TTC21B: variants seen among roughly 807,000 people sequenced by gnomAD.
The protein encoded by TTC21B is tetratricopeptide repeat domain 21B, also known as tetratricopeptide repeat protein 21B.
In TTC21B, 127 loss-of-function variants were observed where a neutral mutation model predicts 175.1. The ratio of observed to expected loss-of-function variants is 0.73; its 90% confidence interval spans 0.63 to 0.84. TTC21B has a LOEUF of 0.84. TTC21B is among the 40% of genes least tolerant of loss of function. The pLI, the probability that TTC21B is intolerant of heterozygous loss-of-function variation, is 0.00. For missense variants in TTC21B, 1,561 were observed against 1,558.3 expected, an observed-to-expected ratio of 1.00 and a Z score of -0.03; for synonymous variants, 524 against 524.5, an observed-to-expected ratio of 1.00 and a Z score of 0.01.
intron 6 of TTC21B, among the ~76,000 whole-genome samples, chr2:165,938,383 T>C (rs1303798879): frequency 1.3e-5 from 2 of 152,030 alleles, no homozygotes; most frequent in South Asian, 2.1e-4. Flanking sequence ...ATAATCCCTA[T>C]GAATCAAGCA....
At chr2:165,926,759 G>C (rs1040909155) in intron 11 of TTC21B, among the ~76,000 whole-genome samples, 1 of 151,600 alleles carries the variant, frequency 6.6e-6, no homozygotes, top group Non-Finnish European at 1.5e-5. Flanking sequence ...ATAAAGCAGG[G>C]AGAAAAATGT....
At chr2:165,936,539 T>A (rs1217816172) in intron 6 of TTC21B, among the ~76,000 whole-genome samples, 1 of 152,002 alleles carries the variant, frequency 6.6e-6, no homozygotes, top group Non-Finnish European at 1.5e-5. Flanking sequence ...CAGATATAGA[T>A]ATATCTGATA....
intron 8 of TTC21B, among the ~76,000 whole-genome samples, chr2:165,931,162 T>C (rs1686893224): frequency 6.6e-6 from 1 of 152,248 alleles, no homozygotes; most frequent in African/African-American, 2.4e-5. Context: ...AGTATATTCA[T>C]GTCATTTAAC....
rs768656308 is a variant in TTC21B at position 165,874,716 on chromosome 2, T to C, written c.*39A>G. The C allele has an allele frequency of 5.1e-6, 8 of 1,567,362 alleles. No individual in the cohort carries two copies. ...GGAAGAACTGAAAGTTAGATTTCTT[T>C]CATTTCCTGTTAAACCAACACCTAA... On this transcript the variant is annotated 3_prime_UTR_variant, in exon 29 of 29. Coordinates refer to ENST00000243344, the MANE Select transcript of TTC21B (RefSeq NM_024753.5).
At chr2:165,912,814 T>G (rs978016355) in intron 16 of TTC21B, among the ~76,000 whole-genome samples, 190 bp from the exon 17 acceptor site, 1 of 152,180 alleles carries the variant, frequency 6.6e-6, no homozygotes, top group Non-Finnish European at 1.5e-5. Context: ...TAGGTATAAT[T>G]TATTAGGATA....
intron 20 of TTC21B, among the ~76,000 whole-genome samples, chr2:165,900,899 C>A (rs868120355): frequency 6.9e-6 from 1 of 145,634 alleles, no homozygotes; most frequent in African/African-American, 2.6e-5. Flanking sequence ...GTTCTTTTTT[C>A]TTTTCTTTTT....
chr2:165,926,911 T>C (rs1178010563), intron 11 of TTC21B, among the ~76,000 whole-genome samples: 2 of 149,244 alleles, frequency 1.3e-5, no homozygotes, highest in East Asian at 4.0e-4. Flanking sequence ...AGACAGCCTA[T>C]TGTGGGACAC....
chr2:165,951,994 C>T (rs113982751), intron 1 of TTC21B, among the ~76,000 whole-genome samples: 1,913 of 151,960 alleles, frequency 0.013, 43 homozygotes, highest in African/African-American at 0.044. Flanking sequence ...CCTCCACACA[C>T]GTACACGCTC....
chr2:165,911,703 C>A (rs1574094636), intron 17 of TTC21B, among the ~76,000 whole-genome samples: 1 of 151,386 alleles, frequency 6.6e-6, no homozygotes, highest in East Asian at 1.9e-4. Flanking sequence ...CACTCCATCA[C>A]CCAGGCTGGA....
intron 17 of TTC21B, among the ~76,000 whole-genome samples, chr2:165,912,063 T>C (rs1318878601): frequency 2.0e-5 from 3 of 152,134 alleles, no homozygotes; most frequent in Non-Finnish European, 1.5e-5. Context: ...ATCAAAGGCA[T>C]ACATTTTGCT....
intron 11 of TTC21B, among the ~76,000 whole-genome samples, chr2:165,928,231 CATGGAATT>C (rs1686748916): frequency 6.6e-6 from 1 of 152,040 alleles, no homozygotes; most frequent in African/African-American, 2.4e-5. Context: ...AATATGATAA[CATGGAATT>C]ATGAGATGAA....
intron 18 of TTC21B, among the ~76,000 whole-genome samples, chr2:165,908,029 A>G (rs746036282): frequency 2.0e-5 from 3 of 152,170 alleles, no homozygotes; most frequent in Admixed American, 1.3e-4. Context: ...TTTCTTAGAC[A>G]TATATTAGGA....
chr2:165,886,829 A>T (rs891818), intron 25 of TTC21B, among the ~76,000 whole-genome samples: 6 of 152,276 alleles, frequency 3.9e-5, no homozygotes, highest in East Asian at 3.9e-4. Flanking sequence ...TGACATGAGA[A>T]GCGCTTCCTC....
In TTC21B at chr2:165,917,347, T is replaced by C; in HGVS notation, c.1809A>G (p.Lys603=). The change falls in exon 14 of 29, where the codon AAA becomes AAG. Residue 603 remains lysine (K), a synonymous_variant. Transcript: ENST00000243344. ...CAACTTCAGTTTTTCTGTCTTTTGA[T>C]TTTGTGGAAGCTCCAATTCTTTTCA... ...PGMKRIGAST[K]SKDRKTEVDT... is the part of the protein sequence containing the mutation. The C allele has an allele frequency of 6.2e-7, 1 of 1,614,226 alleles. No individual in the cohort carries two copies. Among genetic ancestry groups the C allele is most frequent in the Non-Finnish European group, 8.5e-7 (1 of 1,180,040 alleles).
intron 18 of TTC21B, among the ~76,000 whole-genome samples, chr2:165,910,200 G>C (rs148176634): frequency 6.6e-6 from 1 of 152,164 alleles, no homozygotes; most frequent in African/African-American, 2.4e-5. Context: ...TCAGGAGATC[G>C]AGACTGTCCT....
At chr2:165,943,158 G>A in intron 5 of TTC21B, 61 bp downstream of exon 5, 1 of 1,574,634 alleles carries the variant, frequency 6.4e-7, no homozygotes, top group East Asian at 2.2e-5. Flanking sequence ...GTTTTGTCAG[G>A]TTTCAAATAT....
At chr2:165,942,866 T>A (rs1374321616) in intron 5 of TTC21B, among the ~76,000 whole-genome samples, 1 of 152,222 alleles carries the variant, frequency 6.6e-6, no homozygotes, top group East Asian at 1.9e-4. Context: ...ATCAGTAGGA[T>A]ATAAGCTCCA....
At chr2:165,906,911 T>C (rs1835814) in intron 19 of TTC21B, among the ~76,000 whole-genome samples, 146,745 of 147,892 alleles carry the variant, frequency 0.99, 72,806 homozygotes, top group Middle Eastern at 1. Flanking sequence ...GCTGAGATCA[T>C]GCCATTACAC....
intron 18 of TTC21B, among the ~76,000 whole-genome samples, chr2:165,909,452 G>A (rs35992858): frequency 0.071 from 10,762 of 151,858 alleles, 488 homozygotes; most frequent in Middle Eastern, 0.2. Context: ...AGAAAAGACA[G>A]CCCGGGAGAA....
Sources: allele counts gnomAD v4.1 joint callset (sites outside exome capture counted in the v4.1 genomes callset), GRCh38; gene constraint gnomAD v4.1.1; transcripts MANE v1.5; gene names NCBI Gene and HGNC (gene_info 2026-07-23, HGNC 2026-07-21).